Variants in TRPT1 observed in about 807,000 individuals in gnomAD.
The protein encoded by TRPT1 is tRNA 2'-phosphotransferase 1.
TRPT1 carries 22 observed loss-of-function variants against 28.4 expected under a neutral mutation model. The ratio of observed to expected loss-of-function variants is 0.78; its 90% confidence interval spans 0.55 to 1.11. The LOEUF (loss-of-function observed/expected upper bound fraction) is 1.11. Among genes scored for constraint, TRPT1 ranks in the 50% least tolerant of loss-of-function variants. TRPT1 has a pLI of 0.00. For missense variants in TRPT1, 308 were observed against 317.7 expected, an observed-to-expected ratio of 0.97 and a Z score of 0.23; for synonymous variants, 137 against 132.4, an observed-to-expected ratio of 1.03 and a Z score of -0.24.
Position 64,225,528 on chromosome 11 carries a change from GC to G in TRPT1, c.127del (p.Ala43ProfsTer2). The G allele has an allele frequency of 6.2e-7, 1 of 1,613,136 alleles. No homozygotes were observed. Among genetic ancestry groups the G allele is most frequent in the Non-Finnish European group, 8.5e-7 (1 of 1,179,760 alleles). The part of the protein sequence containing the change: ...KALSYALRHG[A>X]LKLGLPMGAD... ...TCCCATGGGAAGCCCCAGCTTCAAG[GC>G]CCCATGGCGCAGGGCATAGGACAGA... is the stretch of plus-strand genomic sequence containing the variant. On this transcript the variant is annotated frameshift_variant, in exon 3 of 8. Coordinates refer to ENST00000317459, the MANE Select transcript of TRPT1 (RefSeq NM_001033678.4). LOFTEE classifies it high-confidence loss of function.
In TRPT1 at chr11:64,224,223, C is replaced by T; in HGVS notation, c.560-13G>A. 1 of 1,613,184 alleles carries T rather than the reference C, an allele frequency of 6.2e-7. No homozygotes were observed. Among genetic ancestry groups the T allele is most frequent in the Non-Finnish European group, 8.5e-7 (1 of 1,179,442 alleles). The stretch of plus-strand genomic sequence containing the variant: ...AAGGGTATTCCATCTGCTGACAGAG[C>T]CAGAGATGTGACTCATGCCCTCCCC... On this transcript the variant is annotated splice_polypyrimidine_tract_variant and intron_variant, in intron 6 of 7. Coordinates refer to ENST00000317459, the MANE Select transcript of TRPT1 (RefSeq NM_001033678.4).
At chr11:64,224,399 C>A in intron 5 of TRPT1, 58 bp from the exon 6 acceptor site, 6 of 1,609,878 alleles carry the variant, frequency 3.7e-6, no homozygotes, top group Non-Finnish European at 5.1e-6. Flanking sequence ...GCAACCTAGG[C>A]AGACTGGGGT....
upstream of TRPT1, chr11:64,226,223 A>C: frequency 3.3e-6 from 1 of 302,842 alleles, no homozygotes; most frequent in Non-Finnish European, 5.6e-6. Context: ...GGACCCGCCA[A>C]TGAAAAGCCG....
chr11:64,224,764 C>T (rs371537703), intron 4 of TRPT1, 37 bp downstream of exon 4: 77 of 1,609,244 alleles, frequency 4.8e-5, no homozygotes, highest in Non-Finnish European at 6.3e-5. Flanking sequence ...GCAGGGGTCC[C>T]TCCCATCTCG....
chr11:64,223,944 C>T lies in TRPT1; in HGVS notation c.694G>A (p.Asp232Asn), dbSNP rs748713694. Residue 232 changes from aspartate (D) to asparagine (N), a missense_variant, in exon 8 of 8, where the codon GAT becomes AAT. By Grantham distance (23) the Asp-to-Asn change is conservative. Coordinates refer to ENST00000317459, the MANE Select transcript of TRPT1 (RefSeq NM_001033678.4). Reference protein sequence around the residue: ...PTRKPLSLAGDEETECQSSPK... With the variant: ...PTRKPLSLAGNEETECQSSPK... ...CTACTCTGACACTCTGTCTCTTCAT[C>T]ACCAGCCAAGGAAAGGGGCTTTCCT... 1.5e-5 allele frequency: 24 copies of T among 1,614,026 alleles called. No homozygotes were observed. The highest frequency in any genetic ancestry group is 2.0e-5 in the Non-Finnish European group (24 of 1,179,918).
At chr11:64,224,393 C>T in intron 5 of TRPT1, 52 bp from the exon 6 acceptor site, 1 of 1,609,914 alleles carries the variant, frequency 6.2e-7, no homozygotes, top group Non-Finnish European at 8.5e-7. Context: ...CAGTCAGCAA[C>T]CTAGGCAGAC....
chr11:64,223,929 ACT>A lies in TRPT1; in HGVS notation c.707_708del (p.Glu236ValfsTer4), dbSNP rs1565301036. 1.2e-6 allele frequency: 2 copies of A among 1,613,898 alleles called. No individual in the cohort carries two copies. Among genetic ancestry groups the A allele is most frequent in the South Asian group, 1.1e-5 (1 of 91,050 alleles). ...PLSLAGDEET[E>X]CQSSPKHSSR... is the part of the protein sequence containing the mutation. ...GAGCTGTGCTTGGGGCTACTCTGAC[ACT>A]CTGTCTCTTCATCACCAGCCAAGGA... On this transcript the variant is annotated frameshift_variant, in exon 8 of 8. Coordinates refer to ENST00000317459, the MANE Select transcript of TRPT1 (RefSeq NM_001033678.4). LOFTEE classifies it high-confidence loss of function.
chr11:64,224,949 G>T lies in TRPT1; in HGVS notation c.179C>A (p.Thr60Asn), dbSNP rs374751636. 4.5e-6 allele frequency: 7 copies of T among 1,565,868 alleles called. No homozygotes were observed. Among genetic ancestry groups the T allele is most frequent in the Middle Eastern group, 1.7e-4 (1 of 6,032 alleles). Reference protein sequence around the residue: ...MGADGFVPLGTLLQLPQFRGF... With the variant: ...MGADGFVPLGNLLQLPQFRGF... The stretch of plus-strand genomic sequence containing the variant: ...GCGGAACTGGGGCAACTGCAGGAGG[G>T]TGCCCAGGGGCACGAAGCCATCTGT... Residue 60 changes from threonine to asparagine, a missense_variant, in exon 4 of 8, where the codon ACC becomes AAC. Transcript: ENST00000317459.
Position 64,225,522 on chromosome 11 carries a change from T to G in TRPT1, c.134A>C (p.Lys45Thr). The change falls in exon 3 of 8, where the codon AAG becomes ACG. Residue 45 changes from lysine (K) to threonine (T), a missense_variant. Coordinates refer to ENST00000317459, the MANE Select transcript of TRPT1 (RefSeq NM_001033678.4). The part of the protein sequence containing the change: ...LSYALRHGAL[K>T]LGLPMGADGF... ...ACCAGCTCCCATGGGAAGCCCCAGCTTCAAGGCCCCATGGCGCAGGGCATA... is the reference window on the plus strand; with the variant it reads ...ACCAGCTCCCATGGGAAGCCCCAGCGTCAAGGCCCCATGGCGCAGGGCATA... 1 of 1,613,132 alleles carries G rather than the reference T, an allele frequency of 6.2e-7. No homozygotes were observed. Among genetic ancestry groups the G allele is most frequent in the Non-Finnish European group, 8.5e-7 (1 of 1,179,746 alleles).
upstream of TRPT1, chr11:64,226,242 G>C: frequency 4.5e-6 from 2 of 442,362 alleles, no homozygotes; most frequent in Non-Finnish European, 3.5e-6. Flanking sequence ...CGCGTGGAAA[G>C]GGGGCGGGCA....
chr11:64,224,057 G>A (rs147179194), intron 7 of TRPT1, 43 bp downstream of exon 7: 1 of 1,595,390 alleles, frequency 6.3e-7, no homozygotes, highest in Non-Finnish European at 8.6e-7. Context: ...GAAGGGCACA[G>A]CTTTCAGGAA....
upstream of TRPT1, chr11:64,226,233 G>A (rs1377929849): frequency 1.1e-5 from 4 of 371,330 alleles, no homozygotes; most frequent in Non-Finnish European, 1.8e-5. Context: ...ATGAAAAGCC[G>A]CGTGGAAAGG....
chr11:64,225,723 C>A (rs1473577608), intron 2 of TRPT1, 63 bp downstream of exon 2: 11 of 1,427,136 alleles, frequency 7.7e-6, no homozygotes, highest in Non-Finnish European at 1.1e-5. Flanking sequence ...CCCTTCAGCT[C>A]CGCCCCCCAG....
At position 64,224,673 on chromosome 11, in the gene TRPT1, C is replaced by A; in HGVS notation, c.372G>T (p.Leu124=). ...ATGTACCATGGACTAGCATCGGGGG[C>A]AGGGCCTGCGGTGTCTCCAGGGGCA... ...ELMPLETPQA[L]PPMLVHGTFW... Residue 124 remains leucine, a synonymous_variant, in exon 5 of 8, where the codon CTG becomes CTT. Transcript: ENST00000317459. 6.2e-7 allele frequency: 1 copy of A among 1,603,692 alleles called. No individual in the cohort carries two copies.
Position 64,224,316 on chromosome 11 carries a change from AG to A in TRPT1, c.527del (p.Ala176ValfsTer23). The stretch of plus-strand genomic sequence containing the variant: ...GAGCCAGGGGTCCATCGATGAACAC[AG>A]CTATTTCACAATGGGACCGCATGCC... Reference protein sequence around the residue: ...ISGMRSHCEIAVFIDGPLALA... With the variant: ...ISGMRSHCEIXVFIDGPLALA... On this transcript the variant is annotated frameshift_variant, in exon 6 of 8. Coordinates refer to ENST00000317459, the MANE Select transcript of TRPT1 (RefSeq NM_001033678.4). LOFTEE classifies it high-confidence loss of function. 6.2e-7 allele frequency: 1 copy of A among 1,613,832 alleles called. No individual in the cohort carries two copies. Among genetic ancestry groups the A allele is most frequent in the East Asian group, 2.2e-5 (1 of 44,888 alleles).
intron 3 of TRPT1, chr11:64,225,256 G>A (rs1946919742): frequency 6.6e-6 from 4 of 608,552 alleles, no homozygotes; most frequent in East Asian, 5.5e-5. Context: ...CGCCCTCGGG[G>A]TAAGTGCTGA....
At position 64,226,107 on chromosome 11, in the gene TRPT1, C is replaced by G. The variant is rs74957775; in HGVS notation, c.-67G>C. 0.023 allele frequency: 11,994 copies of G among 517,810 alleles called. 198 individuals carry two copies. Among genetic ancestry groups the G allele is most frequent in the Non-Finnish European group, 0.032 (9,557 of 294,104 alleles). 32.1% of individuals were successfully genotyped at this position (517,810 alleles called of 1,614,324 possible). On this transcript the variant is annotated 5_prime_UTR_variant, in exon 1 of 8. Coordinates refer to ENST00000317459, the MANE Select transcript of TRPT1 (RefSeq NM_001033678.4). The stretch of plus-strand genomic sequence containing the variant: ...AGGCCGAGCCCCGCACCCCAGATCG[C>G]TGGTGCGCCCCGCAGGGTGGTCCGG...
Position 64,224,670 on chromosome 11 carries a change from G to T in TRPT1, c.375C>A (p.Pro125=). ...AGAATGTACCATGGACTAGCATCGG[G>T]GGCAGGGCCTGCGGTGTCTCCAGGG... The part of the protein sequence containing the change: ...LMPLETPQAL[P]PMLVHGTFWK... Residue 125 remains proline (P), a synonymous_variant, in exon 5 of 8, where the codon CCC becomes CCA. Coordinates refer to ENST00000317459, the MANE Select transcript of TRPT1 (RefSeq NM_001033678.4). 3 of 1,605,350 alleles carry T rather than the reference G, an allele frequency of 1.9e-6. No individual in the cohort carries two copies. The highest frequency in any genetic ancestry group is 2.2e-5 in the South Asian group (2 of 89,680).
chr11:64,225,766 G>A lies in TRPT1; in HGVS notation c.75+20C>T, dbSNP rs1946970451. 3 of 1,534,574 alleles carry A rather than the reference G, an allele frequency of 2.0e-6. No individual in the cohort carries two copies. Among genetic ancestry groups the A allele is most frequent in the Non-Finnish European group, 2.6e-6 (3 of 1,134,100 alleles). Reference sequence around the variant, plus strand: ...CAGGGAGCCTGGACTGGTGGGAGGGGGTGGGGAGGAGGCGCGCACCTGTTC... The same window carrying A: ...CAGGGAGCCTGGACTGGTGGGAGGGAGTGGGGAGGAGGCGCGCACCTGTTC... On this transcript the variant is annotated intron_variant, in intron 2 of 7. Coordinates refer to ENST00000317459, the MANE Select transcript of TRPT1 (RefSeq NM_001033678.4).
Sources: allele counts gnomAD v4.1 joint callset, GRCh38; gene constraint gnomAD v4.1.1; transcripts MANE v1.5; gene names NCBI Gene and HGNC (gene_info 2026-07-23, HGNC 2026-07-21).